ARHGAP42: variants seen among roughly 807,000 people sequenced by gnomAD.
The protein encoded by ARHGAP42 is Rho GTPase activating protein 42.
A neutral mutation model predicts 125.0 loss-of-function variants in ARHGAP42; 63 were observed. The observed-to-expected ratio is 0.50, with a 90% CI of 0.41 to 0.62. ARHGAP42 has a LOEUF of 0.62. Ranked by LOEUF, ARHGAP42 falls within the 20% of genes least tolerant of loss-of-function variation. ARHGAP42 has a pLI of 0.00. For synonymous variants in ARHGAP42, 339 were observed against 351.0 expected (o/e 0.97, Z 0.38); for missense variants, 766 against 1,024.2 (o/e 0.75, Z 3.44).
intron 2 of ARHGAP42, among the ~76,000 whole-genome samples, chr11:100,785,227 A>G (rs1863404674): frequency 6.6e-6 from 1 of 152,160 alleles, no homozygotes; most frequent in East Asian, 1.9e-4. Context: ...CTTTTCTGAG[A>G]CAGGAGACAA....
chr11:100,709,179 A>G (rs1279999032), intron 1 of ARHGAP42, among the ~76,000 whole-genome samples: 1 of 152,140 alleles, frequency 6.6e-6, no homozygotes, highest in Non-Finnish European at 1.5e-5. Flanking sequence ...AGCTGGGACT[A>G]CAGGCACATG....
intron 1 of ARHGAP42, among the ~76,000 whole-genome samples, chr11:100,731,112 G>T (rs1216747): frequency 3.3e-5 from 5 of 151,936 alleles, no homozygotes; most frequent in Non-Finnish European, 7.4e-5. Flanking sequence ...TTAAAATAAG[G>T]AATGATGCTT....
At chr11:100,863,065 C>A (rs202195632) in intron 4 of ARHGAP42, among the ~76,000 whole-genome samples, 26 of 21,518 alleles carry the variant, frequency 1.2e-3, no homozygotes, top group Middle Eastern at 0.017. Context: ...ACAAAACACA[C>A]ACACACACAC....
intron 22 of ARHGAP42, among the ~76,000 whole-genome samples, chr11:100,985,562 C>T (rs631172): frequency 0.26 from 38,901 of 152,090 alleles, 6,279 homozygotes; most frequent in East Asian, 0.69. Flanking sequence ...AACATACCCA[C>T]GTGCATGTGT....
chr11:100,865,504 C>T (rs1239948429), intron 4 of ARHGAP42, among the ~76,000 whole-genome samples: 1 of 152,126 alleles, frequency 6.6e-6, no homozygotes, highest in African/African-American at 2.4e-5. Flanking sequence ...AAACAATCCC[C>T]TTTATAATAG....
chr11:100,885,241 T>G (rs1257643947), intron 4 of ARHGAP42, among the ~76,000 whole-genome samples: 1 of 152,220 alleles, frequency 6.6e-6, no homozygotes, highest in East Asian at 1.9e-4. Context: ...CAAATTGAGT[T>G]AAACAGTTAA....
intron 10 of ARHGAP42, among the ~76,000 whole-genome samples, 191 bp downstream of exon 10, chr11:100,944,059 G>A (rs1295714642): frequency 1.3e-5 from 2 of 152,014 alleles, no homozygotes; most frequent in Non-Finnish European, 2.9e-5. Flanking sequence ...CATGATGCTA[G>A]AAAACAGTAG....
chr11:100,715,717 G>C (rs1165561935), intron 1 of ARHGAP42, among the ~76,000 whole-genome samples: 1 of 152,194 alleles, frequency 6.6e-6, no homozygotes, highest in Non-Finnish European at 1.5e-5. Context: ...GAGGTATTTA[G>C]AATCCTCCTC....
At chr11:100,984,072 G>A (rs1591340768) in intron 22 of ARHGAP42, among the ~76,000 whole-genome samples, 1 of 150,988 alleles carries the variant, frequency 6.6e-6, no homozygotes, top group African/African-American at 2.4e-5. Context: ...AGCCATGATT[G>A]CACTATTGCA....
chr11:100,806,097 A>G (rs1407874691), intron 3 of ARHGAP42, among the ~76,000 whole-genome samples: 1 of 152,182 alleles, frequency 6.6e-6, no homozygotes, highest in East Asian at 1.9e-4. Flanking sequence ...ACTTAGTCAT[A>G]TATTTCTATG....
intron 4 of ARHGAP42, among the ~76,000 whole-genome samples, chr11:100,886,297 T>A (rs1311494144): frequency 3.3e-5 from 5 of 152,208 alleles, no homozygotes; most frequent in African/African-American, 1.2e-4. Context: ...TCTAAACGTG[T>A]AGCTGTCATA....
At chr11:100,889,825 T>G (rs913680015) in intron 4 of ARHGAP42, among the ~76,000 whole-genome samples, 2 of 152,182 alleles carry the variant, frequency 1.3e-5, no homozygotes, top group African/African-American at 2.4e-5. Flanking sequence ...TCGTGCTGGT[T>G]TTCTTATATC....
intron 3 of ARHGAP42, among the ~76,000 whole-genome samples, chr11:100,815,097 G>A (rs144749408): frequency 1.3e-5 from 2 of 152,250 alleles, no homozygotes; most frequent in East Asian, 3.9e-4. Context: ...CCATATACAT[G>A]TTTGTGTTTT....
At chr11:100,750,543 G>T (rs1417575713) in intron 1 of ARHGAP42, among the ~76,000 whole-genome samples, 4 of 147,196 alleles carry the variant, frequency 2.7e-5, no homozygotes, top group Non-Finnish European at 4.5e-5. Context: ...TCTTATTCCT[G>T]ATGCACGTGG....
At chr11:100,688,727 TTTTA>T (rs1861136163) in intron 1 of ARHGAP42, among the ~76,000 whole-genome samples, 1 of 152,120 alleles carries the variant, frequency 6.6e-6, no homozygotes, top group Admixed American at 6.5e-5. Context: ...AAAAATTTAT[TTTTA>T]TTTATTTATG....
In ARHGAP42 at chr11:100,864,329, C is replaced by T. The variant is rs550308926; in HGVS notation, c.384+4704C>T. On this transcript the variant is annotated intron_variant, in intron 4 of 23. Transcript: ENST00000298815. The stretch of plus-strand genomic sequence containing the variant: ...CCTCCCAAGTAGCTGGGACTACAGG[C>T]GCCCGCCACCATGCCTGGCTAATTT... 7.9e-5 allele frequency among the ~76,000 whole-genome samples: 12 copies of T among 152,080 alleles called. No homozygotes were observed. The South Asian group carries it at 1.0e-3, about 13-fold the overall frequency.
At chr11:100,697,883 G>A (rs1450884248) in intron 1 of ARHGAP42, among the ~76,000 whole-genome samples, 1 of 152,122 alleles carries the variant, frequency 6.6e-6, no homozygotes, top group African/African-American at 2.4e-5. Flanking sequence ...TGGAGAGCAA[G>A]GGGAAGCAAA....
rs192489137 is a variant in ARHGAP42 at position 100,792,337 on chromosome 11, T to C, written c.251-2768T>C. Among the ~76,000 whole-genome samples the C allele has an allele frequency of 8.9e-4, 135 of 152,342 alleles. 1 individual carries two copies. The highest frequency in any genetic ancestry group is 3.1e-3 in the African/African-American group (130 of 41,580). ...TTGTAGCATGTTTTATTCTTCATTATATGTTGAAAAAGTTATAGATTTTGT... is the reference window on the plus strand; with the variant it reads ...TTGTAGCATGTTTTATTCTTCATTACATGTTGAAAAAGTTATAGATTTTGT... On this transcript the variant is annotated intron_variant, in intron 2 of 23. Coordinates refer to ENST00000298815, the MANE Select transcript of ARHGAP42 (RefSeq NM_152432.4).
At chr11:100,785,667 G>A (rs1863416110) in intron 2 of ARHGAP42, among the ~76,000 whole-genome samples, 2 of 152,162 alleles carry the variant, frequency 1.3e-5, no homozygotes, top group Non-Finnish European at 2.9e-5. Flanking sequence ...GTCAGTTCCT[G>A]ATGGCAGGAA....
Sources: allele counts gnomAD v4.1 joint callset (sites outside exome capture counted in the v4.1 genomes callset), GRCh38; gene constraint gnomAD v4.1.1; transcripts MANE v1.5; gene names NCBI Gene and HGNC (gene_info 2026-07-23, HGNC 2026-07-21).